The following ARSB variants were observed in gnomAD, a reference collection of about 807,000 sequenced individuals.
The protein encoded by ARSB is N-acetylgalactosamine-4-sulfatase.
ARSB carries 41 observed loss-of-function variants against 50.9 expected under a neutral mutation model. The observed-to-expected ratio is 0.81, with a 90% CI of 0.63 to 1.04. The LOEUF is 1.04. ARSB is among the 50% of genes least tolerant of loss of function. The pLI is 0.00. For missense variants in ARSB, 672 were observed against 693.3 expected (o/e 0.97, Z 0.35); for synonymous variants, 269 against 284.8 (o/e 0.94, Z 0.56).
intron 5 of ARSB, among the ~76,000 whole-genome samples, chr5:78,867,706 T>C (rs926865113): frequency 2.0e-5 from 3 of 151,014 alleles, no homozygotes. Context: ...ACCACAAAGG[T>C]GGGGAAAAAA....
chr5:78,805,529 T>C (rs1743527741), intron 6 of ARSB, among the ~76,000 whole-genome samples: 1 of 152,220 alleles, frequency 6.6e-6, no homozygotes, highest in Admixed American at 6.5e-5. Flanking sequence ...TACTGGAGGC[T>C]CTTTCACTGC....
chr5:78,945,269 C>T (rs1321149065), intron 4 of ARSB, among the ~76,000 whole-genome samples: 1 of 152,180 alleles, frequency 6.6e-6, no homozygotes, highest in Non-Finnish European at 1.5e-5. Context: ...AGGCTCAGTG[C>T]ACCACACCCA....
chr5:78,907,134 T>C (rs1453684044), intron 4 of ARSB, among the ~76,000 whole-genome samples: 1 of 152,016 alleles, frequency 6.6e-6, no homozygotes, highest in East Asian at 1.9e-4. Context: ...ACTGGGGAAT[T>C]AGAGGTGACA....
chr5:78,833,692 C>T (rs916640070), intron 6 of ARSB, among the ~76,000 whole-genome samples: 4 of 152,168 alleles, frequency 2.6e-5, no homozygotes, highest in Admixed American at 2.6e-4. Context: ...GAGGCAGAGC[C>T]CCAGACTCAG....
intron 4 of ARSB, among the ~76,000 whole-genome samples, chr5:78,948,947 AT>A (rs1273742204): frequency 6.6e-6 from 1 of 152,292 alleles, no homozygotes; most frequent in East Asian, 1.9e-4. Flanking sequence ...CTGGGCTGTG[AT>A]AGAGTCTGAG....
At chr5:78,879,887 T>A (rs1747664351) in intron 5 of ARSB, among the ~76,000 whole-genome samples, 1 of 152,096 alleles carries the variant, frequency 6.6e-6, no homozygotes, top group Non-Finnish European at 1.5e-5. Flanking sequence ...ATGAGAGCGG[T>A]TTTTTGCTTT....
chr5:78,899,886 A>G (rs1287071835), intron 4 of ARSB, among the ~76,000 whole-genome samples: 1 of 151,982 alleles, frequency 6.6e-6, no homozygotes, highest in East Asian at 1.9e-4. Flanking sequence ...TTGCGGGTAT[A>G]TGTCTATGTC....
At position 78,778,999 on chromosome 5, in the gene ARSB, A is replaced by C. The variant is rs1024943358; in HGVS notation, c.*1398T>G. 6 of 152,226 alleles carry C rather than the reference A, an allele frequency of 3.9e-5. No individual in the cohort carries two copies. The highest frequency in any genetic ancestry group is 5.9e-5 in the Non-Finnish European group (4 of 68,044). 9.4% of individuals were successfully genotyped at this position (152,226 alleles called of 1,614,324 possible). On this transcript the variant is annotated 3_prime_UTR_variant, in exon 8 of 8. Transcript: ENST00000264914. The stretch of plus-strand genomic sequence containing the variant: ...TACCACTGTACTCCAACCTGGTGAC[A>C]GAGTGAGATCGTCTCATAAAGATAT...
chr5:78,982,809 T>G (rs1415373975), intron 1 of ARSB, among the ~76,000 whole-genome samples: 1 of 152,128 alleles, frequency 6.6e-6, no homozygotes, highest in African/African-American at 2.4e-5. Flanking sequence ...TCTCATGAAC[T>G]CTAAGAGAAT....
intron 6 of ARSB, among the ~76,000 whole-genome samples, chr5:78,793,035 T>G (rs1743033502): frequency 6.6e-6 from 1 of 152,200 alleles, no homozygotes; most frequent in Non-Finnish European, 1.5e-5. Flanking sequence ...GGTTCTGCCT[T>G]GGGGTCACTG....
At chr5:78,861,652 T>C (rs918390492) in intron 5 of ARSB, among the ~76,000 whole-genome samples, 6 of 152,138 alleles carry the variant, frequency 3.9e-5, no homozygotes, top group South Asian at 2.1e-4. Flanking sequence ...CCACAGCCAA[T>C]ATCATACTGA....
At chr5:78,826,086 G>A (rs1744422385) in intron 6 of ARSB, among the ~76,000 whole-genome samples, 1 of 145,736 alleles carries the variant, frequency 6.9e-6, no homozygotes, top group Non-Finnish European at 1.5e-5. Context: ...TCGCTCTGTT[G>A]CCCAGGCTGG....
intron 5 of ARSB, among the ~76,000 whole-genome samples, chr5:78,861,335 C>T (rs977308840): frequency 3.9e-5 from 6 of 152,098 alleles, no homozygotes; most frequent in Non-Finnish European, 7.4e-5. Flanking sequence ...ACCAATATCC[C>T]TGATGAACAT....
chr5:78,802,502 G>A (rs1743428982), intron 6 of ARSB, among the ~76,000 whole-genome samples: 2 of 152,162 alleles, frequency 1.3e-5, no homozygotes, highest in Admixed American at 1.3e-4. Flanking sequence ...TGCAGTCACA[G>A]TTAGATTTGA....
In ARSB at chr5:78,885,789, G is replaced by T. The variant is rs749989641; in HGVS notation, c.937C>A (p.Pro313Thr). ...AGGCTCCATTTTCTTCCTCGAAGGG[G>T]CCAGTTATTACCCCCTGCCAAAGTC... ...GQTLAGGNNWPLRGRKWSLWE... is the reference protein window; with the variant it reads ...GQTLAGGNNWTLRGRKWSLWE... The change falls in exon 5 of 8, where the codon CCC (proline) becomes ACC (threonine). Residue 313 changes from proline (P) to threonine (T), a missense_variant. Coordinates refer to ENST00000264914, the MANE Select transcript of ARSB (RefSeq NM_000046.5). 6.2e-7 allele frequency: 1 copy of T among 1,614,132 alleles called. No individual in the cohort carries two copies. The highest frequency in any genetic ancestry group is 2.2e-5 in the East Asian group (1 of 44,876).
chr5:78,892,774 T>C (rs1015497818), intron 4 of ARSB, among the ~76,000 whole-genome samples: 1 of 152,196 alleles, frequency 6.6e-6, no homozygotes, highest in African/African-American at 2.4e-5. Flanking sequence ...CACATTTGAT[T>C]ATTCGTAGGG....
chr5:78,968,054 G>T (rs959531848), intron 2 of ARSB, among the ~76,000 whole-genome samples: 2 of 151,882 alleles, frequency 1.3e-5, no homozygotes, highest in Non-Finnish European at 1.5e-5. Context: ...AGTTTCATAG[G>T]GCTATCAAGT....
intron 6 of ARSB, among the ~76,000 whole-genome samples, chr5:78,816,774 G>C (rs928451263): frequency 6.6e-6 from 1 of 152,204 alleles, no homozygotes; most frequent in African/African-American, 2.4e-5. Flanking sequence ...AAGAACTTGA[G>C]AAGCTGAGGG....
intron 5 of ARSB, among the ~76,000 whole-genome samples, chr5:78,864,692 G>A (rs1746621379): frequency 6.6e-6 from 1 of 152,186 alleles, no homozygotes; most frequent in African/African-American, 2.4e-5. Context: ...TCTGAGACAA[G>A]GCAAGTCCCT....
Sources: gnomAD v4.1 joint callset for allele counts (sites outside exome capture counted in the v4.1 genomes callset) on GRCh38, gnomAD v4.1.1 for gene constraint, MANE v1.5 for transcripts, NCBI Gene and HGNC (gene_info 2026-07-23, HGNC 2026-07-21) for gene names.